LAPTM4B: variants seen among roughly 807,000 people sequenced by gnomAD.
The protein encoded by LAPTM4B is lysosomal protein transmembrane 4 beta.
A neutral mutation model predicts 28.5 loss-of-function variants in LAPTM4B; 26 were observed. The ratio of observed to expected loss-of-function variants is 0.91; its 90% CI spans 0.67 to 1.27. The LOEUF is 1.27. LAPTM4B is among the 50% of genes most tolerant of loss of function. The probability of loss-of-function intolerance (pLI) is 0.00; values close to 1 mark genes in which losing one functional copy is unlikely to be tolerated. For synonymous variants in LAPTM4B, 109 were observed against 106.4 expected, an observed-to-expected ratio of 1.02 and a Z score of -0.15; for missense variants, 288 against 285.8, an observed-to-expected ratio of 1.01 and a Z score of -0.06.
chr8:97,801,235 A>G (rs547335668), intron 1 of LAPTM4B, among the ~76,000 whole-genome samples: 176 of 148,916 alleles, frequency 1.2e-3, no homozygotes, highest in African/African-American at 4.1e-3. Context: ...CTGGAGTGCA[A>G]TGGTGCCATC....
chr8:97,799,591 T>G (rs1170215365), intron 1 of LAPTM4B, among the ~76,000 whole-genome samples: 2 of 152,208 alleles, frequency 1.3e-5, no homozygotes, highest in Non-Finnish European at 2.9e-5. Flanking sequence ...GAGCTCAATC[T>G]GCAACAATGG....
At chr8:97,812,830 G>C (rs970691220) in intron 2 of LAPTM4B, among the ~76,000 whole-genome samples, 1 of 152,144 alleles carries the variant, frequency 6.6e-6, no homozygotes, top group Non-Finnish European at 1.5e-5. Flanking sequence ...GCTGTATGTT[G>C]ATAGCCCAAA....
At position 97,803,356 on chromosome 8, in the gene LAPTM4B, G is replaced by A. The variant is rs552992062; in HGVS notation, c.100-1997G>A. 1.3e-4 allele frequency among the ~76,000 whole-genome samples: 19 copies of A among 151,746 alleles called. No homozygotes were observed. In the South Asian group the frequency reaches 3.8e-3, roughly 30 times the overall value. On this transcript the variant is annotated intron_variant, in intron 1 of 6. Coordinates refer to ENST00000521545, the MANE Select transcript of LAPTM4B (RefSeq NM_018407.6). Reference sequence around the variant, plus strand: ...GGCAGTGGCACGATCTCAGCTCACTGGAACCTCTGCCTCCCTGGTTGAAGT... The same window carrying A: ...GGCAGTGGCACGATCTCAGCTCACTAGAACCTCTGCCTCCCTGGTTGAAGT...
intron 6 of LAPTM4B, among the ~76,000 whole-genome samples, chr8:97,831,153 C>A (rs997212765): frequency 2.6e-5 from 4 of 152,114 alleles, no homozygotes; most frequent in Admixed American, 2.6e-4. Context: ...ATGGAGATTC[C>A]ACTGAATACT....
rs780963277 is a variant in LAPTM4B, at chr8:97,815,331, T to C, written c.215T>C (p.Met72Thr). 1 of 1,613,462 alleles carries C rather than the reference T, an allele frequency of 6.2e-7. No individual in the cohort carries two copies. Among genetic ancestry groups the C allele is most frequent in the African/African-American group, 1.3e-5 (1 of 74,924 alleles). The change falls in exon 3 of 7, where the codon ATG becomes ACG. Residue 72 changes from methionine (M) to threonine (T), a missense_variant. Coordinates refer to ENST00000521545, the MANE Select transcript of LAPTM4B (RefSeq NM_018407.6). The stretch of plus-strand genomic sequence containing the variant: ...ATTCTTTTTAATCTTTCGGCAGACA[T>C]GTGCATTGCCATTGCGATTTCTCTT... ...GDFEFMDDAN[M>T]CIAIAISLLM...
intron 6 of LAPTM4B, among the ~76,000 whole-genome samples, chr8:97,841,206 G>A (rs1817343812): frequency 2.1e-5 from 1 of 46,530 alleles, no homozygotes; most frequent in Non-Finnish European, 4.1e-5. Flanking sequence ...AAAATTCTGA[G>A]ATGTTAAGAT....
At chr8:97,807,035 T>G (rs988852769) in intron 2 of LAPTM4B, among the ~76,000 whole-genome samples, 1 of 152,206 alleles carries the variant, frequency 6.6e-6, no homozygotes, top group Non-Finnish European at 1.5e-5. Context: ...CCCAGCCATG[T>G]GGAACTGTAA....
In LAPTM4B at chr8:97,790,734, T is replaced by C. The variant is rs1383579105; in HGVS notation, c.100-14619T>C. Among the ~76,000 whole-genome samples the C allele has an allele frequency of 2.6e-5, 4 of 152,228 alleles. 1 individual carries two copies. The highest frequency in any genetic ancestry group is 9.6e-5 in the African/African-American group (4 of 41,550). Reference sequence around the variant, plus strand: ...GTGTTGGACTATGGGCGTGAGCCACTGCGCCCAGCTGGTTTTGTGTTTTGA... The same window carrying C: ...GTGTTGGACTATGGGCGTGAGCCACCGCGCCCAGCTGGTTTTGTGTTTTGA... On this transcript the variant is annotated intron_variant, in intron 1 of 6. Transcript: ENST00000521545.
intron 5 of LAPTM4B, among the ~76,000 whole-genome samples, chr8:97,820,567 G>T (rs1432017953): frequency 6.6e-6 from 1 of 152,038 alleles, no homozygotes; most frequent in East Asian, 1.9e-4. Flanking sequence ...GAAAGAAAGT[G>T]GTTCATTGGA....
chr8:97,793,517 C>G (rs994181355), intron 1 of LAPTM4B, among the ~76,000 whole-genome samples: 1 of 152,086 alleles, frequency 6.6e-6, no homozygotes, highest in Admixed American at 6.5e-5. Context: ...TCAGAAAAAT[C>G]GGATTGTTCA....
chr8:97,830,743 G>T (rs1817172381), intron 6 of LAPTM4B, among the ~76,000 whole-genome samples: 1 of 152,070 alleles, frequency 6.6e-6, no homozygotes, highest in African/African-American at 2.4e-5. Flanking sequence ...ACCTGGTAGG[G>T]TTCCTGTCCA....
chr8:97,817,799 A>T (rs1015616512), intron 4 of LAPTM4B, among the ~76,000 whole-genome samples: 4 of 151,682 alleles, frequency 2.6e-5, no homozygotes, highest in African/African-American at 9.7e-5. Context: ...CATGTTGACC[A>T]GGCTGGTCTC....
chr8:97,776,713 C>T (rs1413424173), intron 1 of LAPTM4B, among the ~76,000 whole-genome samples: 2 of 151,450 alleles, frequency 1.3e-5, no homozygotes, highest in East Asian at 2.0e-4. Context: ...GTTTTAAAGC[C>T]CTTACTCCAG....
At chr8:97,848,367 A>C (rs1044254297) in intron 6 of LAPTM4B, among the ~76,000 whole-genome samples, 1 of 152,176 alleles carries the variant, frequency 6.6e-6, no homozygotes, top group African/African-American at 2.4e-5. Flanking sequence ...ATGTAATGTG[A>C]AAGTTTTATT....
rs1304930066 is a variant in LAPTM4B, at chr8:97,851,407, C to A, written c.614C>A (p.Pro205His). The A allele has an allele frequency of 5.0e-6, 8 of 1,613,824 alleles. No individual in the cohort carries two copies. Among genetic ancestry groups the A allele is most frequent in the South Asian group, 1.1e-5 (1 of 91,078 alleles). The change falls in exon 7 of 7, where the codon CCC becomes CAC. Residue 205 changes from proline (P) to histidine (H), a missense_variant. Physicochemically the swap from Pro to His is moderately conservative, Grantham distance 77 (BLOSUM62 -2). Coordinates refer to ENST00000521545, the MANE Select transcript of LAPTM4B (RefSeq NM_018407.6). ...VTSNDTTVLLPPYDDATVNGA... is the reference protein window; with the variant it reads ...VTSNDTTVLLHPYDDATVNGA... ...CCTCTTTCTTCTCAGGTGCTGCTAC[C>A]CCCGTATGATGATGCCACTGTGAAT...
At chr8:97,778,893 A>G (rs1454795898) in intron 1 of LAPTM4B, among the ~76,000 whole-genome samples, 2 of 152,198 alleles carry the variant, frequency 1.3e-5, no homozygotes, top group Admixed American at 1.3e-4. Flanking sequence ...TTGCTCGGTT[A>G]CAACAATTTG....
At chr8:97,785,154 C>T (rs1030531870) in intron 1 of LAPTM4B, among the ~76,000 whole-genome samples, 3 of 151,250 alleles carry the variant, frequency 2.0e-5, no homozygotes, top group Non-Finnish European at 2.9e-5. Flanking sequence ...GGTGCCATCT[C>T]GGTTCCCTGC....
intron 1 of LAPTM4B, among the ~76,000 whole-genome samples, chr8:97,793,105 A>C (rs768465123): frequency 5.9e-5 from 9 of 152,190 alleles, no homozygotes; most frequent in Non-Finnish European, 1.3e-4. Context: ...TAGAACATCC[A>C]ATTTATTATT....
At chr8:97,777,048 C>G (rs1001852162) in intron 1 of LAPTM4B, among the ~76,000 whole-genome samples, 6 of 150,884 alleles carry the variant, frequency 4.0e-5, no homozygotes, top group African/African-American at 1.5e-4. Flanking sequence ...AGAGTTAGAC[C>G]AGAGTTGCTT....
Sources: gnomAD v4.1 joint callset for allele counts (sites outside exome capture counted in the v4.1 genomes callset) on GRCh38, gnomAD v4.1.1 for gene constraint, MANE v1.5 for transcripts, NCBI Gene and HGNC (gene_info 2026-07-23, HGNC 2026-07-21) for gene names.